GRB10: variants seen among roughly 807,000 people sequenced by gnomAD.
The protein encoded by GRB10 is growth factor receptor-bound protein 10.
In GRB10, 20 loss-of-function variants were observed where a neutral mutation model predicts 80.9. The ratio of observed to expected loss-of-function variants is 0.25; its 90% CI spans 0.17 to 0.36. The LOEUF is 0.36. GRB10 is among the 10% of genes least tolerant of loss of function. The pLI is 1.00. For missense variants in GRB10, 548 were observed against 747.7 expected (o/e 0.73, Z 3.12); for synonymous variants, 291 against 291.5 (o/e 1.00, Z 0.02).
chr7:50,634,513 T>C (rs1449067237), intron 7 of GRB10, among the ~76,000 whole-genome samples: 3 of 152,034 alleles, frequency 2.0e-5, no homozygotes, highest in African/African-American at 7.2e-5. Context: ...CTAACAACAC[T>C]ATGACAGGAA....
chr7:50,672,795 A>G (rs1359864994), intron 6 of GRB10, among the ~76,000 whole-genome samples: 1 of 152,206 alleles, frequency 6.6e-6, no homozygotes, highest in Non-Finnish European at 1.5e-5. Context: ...CCCCAAGGCT[A>G]CTGTGATGCT....
In GRB10 at chr7:50,593,238, C is replaced by A. The variant is rs1395046908; in HGVS notation, c.1639-140G>T. On this transcript the variant is annotated intron_variant, in intron 18 of 18. Coordinates refer to ENST00000401949, the MANE Select transcript of GRB10 (RefSeq NM_001350814.2). Reference sequence around the variant, plus strand: ...CAGGGCAAGGTAGGCTAGAAAACACCAGGGGCGGGAAAGACGGGAGCAGAG... The same window carrying A: ...CAGGGCAAGGTAGGCTAGAAAACACAAGGGGCGGGAAAGACGGGAGCAGAG... The A allele has an allele frequency of 5.2e-6, 5 of 953,366 alleles. No individual in the cohort carries two copies. The East Asian group carries it at 1.2e-4, about 23-fold the overall frequency. 59.1% of individuals were successfully genotyped at this position (953,366 alleles called of 1,614,324 possible). A position where few individuals can be genotyped will look rare whatever the true frequency, so the allele number is the denominator to read the frequency against.
At chr7:50,631,016 C>T (rs2053895667) in intron 7 of GRB10, among the ~76,000 whole-genome samples, 1 of 152,150 alleles carries the variant, frequency 6.6e-6, no homozygotes, top group South Asian at 2.1e-4. Context: ...CATTATATCT[C>T]CACGGCCCCA....
At chr7:50,612,397 C>A (rs190063476) in intron 13 of GRB10, among the ~76,000 whole-genome samples, 5 of 152,218 alleles carry the variant, frequency 3.3e-5, no homozygotes, top group African/African-American at 9.6e-5. Flanking sequence ...ACTGGCCGGG[C>A]GTGCGACTGG....
In GRB10 at chr7:50,592,857, G is replaced by A; in HGVS notation, c.*95C>T. On this transcript the variant is annotated 3_prime_UTR_variant, in exon 19 of 19. Transcript: ENST00000401949. ...AACCCATCTCGCTCTGGGTCCCCAGGTGCAGAATCGATGTGTGTTCTTCAC... is the reference window on the plus strand; with the variant it reads ...AACCCATCTCGCTCTGGGTCCCCAGATGCAGAATCGATGTGTGTTCTTCAC... 3.6e-6 allele frequency: 5 copies of A among 1,399,266 alleles called. No homozygotes were observed. The highest frequency in any genetic ancestry group is 3.0e-6 in the Non-Finnish European group (3 of 988,268). The allele number at this position is 1,399,266 out of a possible 1,614,324, so 86.7% of individuals were successfully genotyped here.
At chr7:50,792,591 G>A in intron 1 of GRB10, 1 of 398,080 alleles carries the variant, frequency 2.5e-6, no homozygotes, top group Non-Finnish European at 4.4e-6. Flanking sequence ...CGGCTAATCC[G>A]CGAGCCCTCA....
intron 2 of GRB10, among the ~76,000 whole-genome samples, chr7:50,769,613 C>G (rs1317405231): frequency 1.3e-5 from 2 of 152,146 alleles, no homozygotes; most frequent in African/African-American, 4.8e-5. Flanking sequence ...GGTCTCTGAG[C>G]ACCACACTAA....
chr7:50,749,992 TG>T (rs2073825311), intron 3 of GRB10, among the ~76,000 whole-genome samples: 1 of 152,256 alleles, frequency 6.6e-6, no homozygotes, highest in Non-Finnish European at 1.5e-5. Context: ...TAGGACAGAC[TG>T]TAACAGCCTG....
chr7:50,761,608 T>C (rs765411028), intron 2 of GRB10: 2 of 152,238 alleles, frequency 1.3e-5, no homozygotes, highest in African/African-American at 4.8e-5. Flanking sequence ...GTATCAGATG[T>C]AACTGTTCTA....
intron 4 of GRB10, 152 bp downstream of exon 4, chr7:50,732,120 T>C: frequency 1.3e-6 from 1 of 781,782 alleles, no homozygotes; most frequent in Non-Finnish European, 2.2e-6. Flanking sequence ...GCAGTGGGCC[T>C]CTGCACCATG....
At chr7:50,754,856 T>C (rs976642913) in intron 3 of GRB10, among the ~76,000 whole-genome samples, 2 of 152,110 alleles carry the variant, frequency 1.3e-5, no homozygotes, top group Admixed American at 6.5e-5. Flanking sequence ...AAACAGAGCC[T>C]TTACAGAGGT....
At chr7:50,756,488 G>A (rs894590225) in intron 2 of GRB10, among the ~76,000 whole-genome samples, 1 of 152,220 alleles carries the variant, frequency 6.6e-6, no homozygotes, top group Non-Finnish European at 1.5e-5. Context: ...CCTGGCCCCA[G>A]CCCACAATGC....
chr7:50,759,889 G>A (rs1400705948), intron 2 of GRB10, among the ~76,000 whole-genome samples: 4 of 152,174 alleles, frequency 2.6e-5, no homozygotes, highest in African/African-American at 7.2e-5. Context: ...GGCAGAGCGC[G>A]GACACCCCGG....
chr7:50,748,862 A>C (rs976401892), intron 3 of GRB10, among the ~76,000 whole-genome samples: 2 of 152,204 alleles, frequency 1.3e-5, no homozygotes, highest in African/African-American at 4.8e-5. Flanking sequence ...TAATTTCTCT[A>C]ATCCTCAAAA....
intron 2 of GRB10, among the ~76,000 whole-genome samples, chr7:50,756,725 G>A (rs1201413311): frequency 6.6e-6 from 1 of 152,166 alleles, no homozygotes; most frequent in Non-Finnish European, 1.5e-5. Context: ...CCTACCGGAG[G>A]AGACTTTATA....
chr7:50,694,271 C>A (rs1443285722), intron 5 of GRB10, among the ~76,000 whole-genome samples: 1 of 152,162 alleles, frequency 6.6e-6, no homozygotes. Flanking sequence ...TTGCAGTGAT[C>A]CAAGATAGTG....
chr7:50,696,969 A>G (rs2063506904), intron 5 of GRB10, among the ~76,000 whole-genome samples: 12 of 152,244 alleles, frequency 7.9e-5, no homozygotes, highest in Admixed American at 7.9e-4. Flanking sequence ...ACAATGGAAT[A>G]TTATTTGGCC....
chr7:50,606,640 C>T (rs929510732), intron 13 of GRB10: 10 of 566,976 alleles, frequency 1.8e-5, no homozygotes, highest in Admixed American at 2.9e-5. Flanking sequence ...TCCCCCAAAA[C>T]TTACCTACTA....
intron 4 of GRB10, among the ~76,000 whole-genome samples, chr7:50,729,943 G>T (rs1035799593): frequency 6.6e-6 from 1 of 152,102 alleles, no homozygotes; most frequent in Admixed American, 6.5e-5. Context: ...CTCTATCAAA[G>T]AATTAAAGAT....
Sources: gnomAD v4.1 joint callset for allele counts (sites outside exome capture counted in the v4.1 genomes callset) on GRCh38, gnomAD v4.1.1 for gene constraint, MANE v1.5 for transcripts, NCBI Gene and HGNC (gene_info 2026-07-23, HGNC 2026-07-21) for gene names.